TF: variants seen among roughly 807,000 people sequenced by gnomAD.
The protein encoded by TF is transferrin, also known as serotransferrin.
A neutral mutation model predicts 82.4 loss-of-function variants in TF; 55 were observed. The ratio of observed to expected loss-of-function variants is 0.67; its 90% CI spans 0.54 to 0.84. TF has a LOEUF of 0.84. TF is among the 40% of genes least tolerant of loss of function. TF has a pLI of 0.00. For missense variants in TF, 737 were observed against 868.4 expected (o/e 0.85, Z 1.90); for synonymous variants, 332 against 332.6 (o/e 1.00, Z 0.02).
chr3:133,687,831 T>C, the TF span, among the ~76,000 whole-genome samples: 4 of 152,206 alleles, frequency 2.6e-5, no homozygotes, highest in Non-Finnish European at 4.4e-5. Context: ...CATTCATCTG[T>C]TGATGCACAT....
At chr3:133,766,504 G>A (rs751348843) in intron 12 of TF, 71 bp downstream of exon 12, 3 of 1,602,598 alleles carry the variant, frequency 1.9e-6, no homozygotes, top group Admixed American at 1.7e-5. Context: ...TAGGGAAGAG[G>A]AGTGTGGCAT....
intron 13 of TF, among the ~76,000 whole-genome samples, chr3:133,768,729 G>T (rs1457857161): frequency 2.0e-5 from 3 of 147,776 alleles, no homozygotes; most frequent in African/African-American, 7.5e-5. Context: ...AACTACAATT[G>T]TACTTTATGG....
chr3:133,683,662 T>C, the TF span, among the ~76,000 whole-genome samples: 24 of 152,180 alleles, frequency 1.6e-4, no homozygotes, highest in African/African-American at 5.8e-4. Flanking sequence ...CTATCCTAAA[T>C]ATATACACAC....
the TF span, among the ~76,000 whole-genome samples, chr3:133,706,520 A>G: frequency 6.6e-6 from 1 of 152,122 alleles, no homozygotes; most frequent in South Asian, 2.1e-4. Context: ...TTTGTTGGGA[A>G]CAAAAATTCT....
the TF span, among the ~76,000 whole-genome samples, chr3:133,712,474 C>T: frequency 6.6e-6 from 1 of 152,108 alleles, no homozygotes; most frequent in Non-Finnish European, 1.5e-5. Flanking sequence ...CAACTTGAGT[C>T]AGTTCCCCTT....
chr3:133,707,693 G>A, the TF span: 1 of 152,230 alleles, frequency 6.6e-6, no homozygotes, highest in Admixed American at 6.5e-5. Context: ...GGGAAAGCAG[G>A]GAGTGGTGAG....
chr3:133,664,414 C>T, the TF span, among the ~76,000 whole-genome samples: 49 of 152,254 alleles, frequency 3.2e-4, no homozygotes, highest in Middle Eastern at 3.4e-3. Flanking sequence ...CCTCCACCCC[C>T]GGGGTTCAAG....
the TF span, among the ~76,000 whole-genome samples, chr3:133,728,256 C>T: frequency 6.6e-6 from 1 of 152,198 alleles, no homozygotes; most frequent in Admixed American, 6.5e-5. Flanking sequence ...TGTTTTCCAA[C>T]TTGGTTCCAT....
the TF span, among the ~76,000 whole-genome samples, chr3:133,728,743 T>A: frequency 6.6e-5 from 10 of 152,174 alleles, no homozygotes; most frequent in African/African-American, 2.4e-4. Context: ...CTTTTTAGAG[T>A]TTCCAGTTTT....
At chr3:133,755,115 C>T (rs762779773) in intron 4 of TF, among the ~76,000 whole-genome samples, 1 of 152,236 alleles carries the variant, frequency 6.6e-6, no homozygotes, top group Non-Finnish European at 1.5e-5. Context: ...CTGAGAAAGA[C>T]CCGAGATAGG....
chr3:133,701,736 G>A, the TF span, among the ~76,000 whole-genome samples: 9 of 152,210 alleles, frequency 5.9e-5, no homozygotes, highest in African/African-American at 1.9e-4. Flanking sequence ...GCAGGGGGAA[G>A]CTCTGTCTTC....
the TF span, among the ~76,000 whole-genome samples, chr3:133,729,814 G>A: frequency 1.5e-3 from 229 of 151,982 alleles, no homozygotes; most frequent in African/African-American, 4.7e-3. Flanking sequence ...CCTCCCCCCC[G>A]TTTGGTTCTT....
At chr3:133,746,028 T>G, upstream of TF, 1 of 306,660 alleles carries the variant, frequency 3.3e-6, no homozygotes, top group Non-Finnish European at 6.3e-6. Flanking sequence ...AGCCTCGGAG[T>G]CTTCCTCTGT....
chr3:133,668,734 A>G, the TF span, among the ~76,000 whole-genome samples: 1 of 152,186 alleles, frequency 6.6e-6, no homozygotes, highest in South Asian at 2.1e-4. Context: ...GCATGAAGGC[A>G]TTCTCTGGCA....
the TF span, among the ~76,000 whole-genome samples, chr3:133,674,745 G>A: frequency 2.0e-5 from 3 of 151,088 alleles, no homozygotes; most frequent in Non-Finnish European, 4.4e-5. Context: ...GACCCTGCGC[G>A]ACAACCGGAC....
chr3:133,750,276 T>G (rs1338206212), intron 2 of TF, among the ~76,000 whole-genome samples: 1 of 152,208 alleles, frequency 6.6e-6, no homozygotes, highest in Non-Finnish European at 1.5e-5. Flanking sequence ...CACAGATTTG[T>G]TCTGCTAGGA....
At chr3:133,747,955 C>A (rs1180581905) in intron 1 of TF, among the ~76,000 whole-genome samples, 2 of 151,926 alleles carry the variant, frequency 1.3e-5, no homozygotes, top group Non-Finnish European at 2.9e-5. Context: ...AGGCATCATT[C>A]TCTGAGTCTC....
At chr3:133,703,926 T>G in the TF span, among the ~76,000 whole-genome samples, 2 of 152,138 alleles carry the variant, frequency 1.3e-5, no homozygotes, top group African/African-American at 4.8e-5. Flanking sequence ...ATTGCTGGGT[T>G]GAGTGACTAT....
In TF at chr3:133,755,466, C is replaced by T. The variant is rs753457339; in HGVS notation, c.606C>T (p.Asn202=). The change falls in exon 5 of 17, where the codon AAC becomes AAT. Residue 202 remains asparagine (N), a synonymous_variant. Transcript: ENST00000402696. The part of the protein sequence containing the change: ...LCPGCGCSTL[N]QYFGYSGAFK... ...CAGGGTGTGGCTGCTCCACCCTTAA[C>T]CAATACTTCGGCTACTCGGGAGCCT... 2 of 1,614,154 alleles carry T rather than the reference C, an allele frequency of 1.2e-6. No individual in the cohort carries two copies. Among genetic ancestry groups the T allele is most frequent in the Admixed American group, 3.3e-5 (2 of 60,030 alleles).
Sources: allele counts gnomAD v4.1 joint callset (sites outside exome capture counted in the v4.1 genomes callset), GRCh38; gene constraint gnomAD v4.1.1; transcripts MANE v1.5; gene names NCBI Gene and HGNC (gene_info 2026-07-23, HGNC 2026-07-21).